ME2: variants seen among roughly 807,000 people sequenced by gnomAD.
ME2 encodes the protein NAD-dependent malic enzyme, mitochondrial.
In ME2, 60 loss-of-function variants were observed where a neutral mutation model predicts 73.7. The observed-to-expected ratio is 0.81, with a 90% CI of 0.66 to 1.01. The LOEUF (loss-of-function observed/expected upper bound fraction) is 1.01, where lower values mean the gene tolerates loss of function less well. Among genes scored for constraint, ME2 ranks in the 50% least tolerant of loss-of-function variants. ME2 has a pLI of 0.00. For missense variants in ME2, 594 were observed against 705.5 expected (o/e 0.84, Z 1.79); for synonymous variants, 199 against 236.9 (o/e 0.84, Z 1.47).
In ME2 at chr18:50,895,836, A is replaced by G. The variant is rs989697527; in HGVS notation, c.16A>G (p.Arg6Gly). 6.2e-7 allele frequency: 1 copy of G among 1,612,572 alleles called. No individual in the cohort carries two copies. The highest frequency in any genetic ancestry group is 1.7e-5 in the Admixed American group (1 of 60,008). Reference protein sequence around the residue: MLSRLRVVSTTCTLAC... With the variant: MLSRLGVVSTTCTLAC... ...GAAAGAAAAGATGTTGTCCCGGTTA[A>G]GAGTAGTTTCCACCACTTGTACTTT... is the stretch of plus-strand genomic sequence containing the variant. The change falls in exon 2 of 16, where the codon AGA becomes GGA. Residue 6 changes from arginine to glycine, a missense_variant. Arg to Gly is a moderately radical substitution (Grantham distance 125, BLOSUM62 -2). Coordinates refer to ENST00000321341, the MANE Select transcript of ME2 (RefSeq NM_002396.5).
rs528523723 is a variant in ME2 at position 50,941,069 on chromosome 18, C to T, written c.1587+683C>T. The stretch of plus-strand genomic sequence containing the variant: ...GGTCAGGAGTTCGAGACCAGCCCAG[C>T]CAACATGGTGAAACCCCGTCTCTAC... On this transcript the variant is annotated intron_variant, in intron 15 of 15. Transcript: ENST00000321341. Among the ~76,000 whole-genome samples the T allele has an allele frequency of 2.8e-3, 425 of 151,726 alleles. 3 individuals carry two copies. Among genetic ancestry groups the T allele is most frequent in the African/African-American group, 9.6e-3 (396 of 41,396 alleles).
chr18:50,900,682 G>A (rs1167584099), intron 2 of ME2, among the ~76,000 whole-genome samples: 2 of 152,100 alleles, frequency 1.3e-5, no homozygotes, highest in Non-Finnish European at 2.9e-5. Context: ...TAATTACCAC[G>A]TGTCAAAGGT....
intron 2 of ME2, among the ~76,000 whole-genome samples, chr18:50,903,489 C>T (rs1475434960): frequency 2.0e-5 from 3 of 151,908 alleles, no homozygotes; most frequent in Admixed American, 1.3e-4. Context: ...CTTACTTTGT[C>T]ACCCAGGCAG....
rs1452621615 is a variant in ME2 at position 50,950,337 on chromosome 18, T to C, written c.*3153T>C. ...GGGCAGAGCCCTGGCTGGTGTCTCT[T>C]CAGGAGGACCCCTGACACACCGATT... On this transcript the variant is annotated 3_prime_UTR_variant, in exon 16 of 16. Transcript: ENST00000321341. 6.6e-6 allele frequency: 1 copy of C among 152,132 alleles called. No homozygotes were observed. Among genetic ancestry groups the C allele is most frequent in the Non-Finnish European group, 1.5e-5 (1 of 68,032 alleles). 9.4% of individuals were successfully genotyped at this position (152,132 alleles called of 1,614,324 possible). A position where few individuals can be genotyped will look rare whatever the true frequency, so the allele number is the denominator to read the frequency against.
chr18:50,946,630 T>G (rs1336069179), intron 15 of ME2, among the ~76,000 whole-genome samples: 2 of 152,184 alleles, frequency 1.3e-5, no homozygotes, highest in African/African-American at 4.8e-5. Flanking sequence ...ACTATGCCTC[T>G]TAATCCAAAT....
chr18:50,921,075 C>T lies in ME2; in HGVS notation c.944C>T (p.Ala315Val). 6.6e-7 allele frequency: 1 copy of T among 1,517,810 alleles called. No individual in the cohort carries two copies. Among genetic ancestry groups the T allele is most frequent in the Non-Finnish European group, 9.0e-7 (1 of 1,116,190 alleles). 94.0% of individuals were successfully genotyped at this position (1,517,810 alleles called of 1,614,324 possible). A position where few individuals can be genotyped will look rare whatever the true frequency, so the allele number is the denominator to read the frequency against. Reference protein sequence around the residue: ...HKILFLGAGEAALGIANLIVM... With the variant: ...HKILFLGAGEVALGIANLIVM... ...TAAAATTTATGTTTTGTTGAACAGG[C>T]TGCTCTTGGAATTGCAAATCTTATA... Residue 315 changes from alanine to valine, a missense_variant and splice_region_variant, in exon 10 of 16, where the codon GCT (alanine) becomes GTT (valine). Ala to Val is a moderately conservative substitution (Grantham distance 64). Coordinates refer to ENST00000321341, the MANE Select transcript of ME2 (RefSeq NM_002396.5).
intron 15 of ME2, among the ~76,000 whole-genome samples, chr18:50,944,479 T>C (rs1381393693): frequency 6.6e-6 from 1 of 152,132 alleles, no homozygotes; most frequent in Non-Finnish European, 1.5e-5. Context: ...GATTCACCCC[T>C]TTGGCTCTAT....
chr18:50,945,383 G>GATCCCTA (rs1918060505), intron 15 of ME2: 1 of 152,148 alleles, frequency 6.6e-6, no homozygotes, highest in Non-Finnish European at 1.5e-5. Flanking sequence ...GCCTCCCAAA[G>GATCCCTA]TGCTGGGATC....
intron 3 of ME2, 84 bp downstream of exon 3, chr18:50,908,280 A>G: frequency 1.0e-6 from 1 of 967,670 alleles, no homozygotes; most frequent in Non-Finnish European, 1.5e-6. Flanking sequence ...GGCATGAGAA[A>G]TACACAATCT....
intron 12 of ME2, among the ~76,000 whole-genome samples, chr18:50,927,721 C>CATATATAT (rs368161371): frequency 0.071 from 6,014 of 84,966 alleles, 269 homozygotes; most frequent in Admixed American, 0.097. Context: ...CCCAAAAAAC[C>CATATATAT]ATATATATAT....
intron 7 of ME2, 138 bp from the exon 8 acceptor site, chr18:50,920,318 G>T (rs1917391470): frequency 8.5e-6 from 5 of 585,030 alleles, no homozygotes; most frequent in South Asian, 4.7e-5. Flanking sequence ...TCTTTCACAG[G>T]CTCTGAAATT....
chr18:50,947,416 C>T lies in ME2; in HGVS notation c.*232C>T, dbSNP rs16952715. On this transcript the variant is annotated 3_prime_UTR_variant, in exon 16 of 16. Transcript: ENST00000321341. ...GTTGTGATGCTTTAATTCTAACATA[C>T]AGCCCGTACCACATCCAGGAGATGT... 2.8e-3 allele frequency: 1,321 copies of T among 472,332 alleles called. 16 individuals are homozygous for T. Among genetic ancestry groups the T allele is most frequent in the African/African-American group, 0.024 (1,221 of 51,530 alleles). 29.3% of individuals were successfully genotyped at this position (472,332 alleles called of 1,614,324 possible).
At chr18:50,881,226 A>G (rs1003027562) in intron 1 of ME2, among the ~76,000 whole-genome samples, 1 of 152,042 alleles carries the variant, frequency 6.6e-6, no homozygotes, top group Non-Finnish European at 1.5e-5. Flanking sequence ...GAGTAGAGAC[A>G]GGGTTTCACC....
At position 50,950,497 on chromosome 18, in the gene ME2, AAC is replaced by A; in HGVS notation, c.*3315_*3316del. The A allele has an allele frequency of 9.8e-6, 1 of 101,526 alleles. No individual in the cohort carries two copies. The highest frequency in any genetic ancestry group is 3.1e-4 in the East Asian group (1 of 3,200). 6.3% of individuals were successfully genotyped at this position (101,526 alleles called of 1,614,324 possible). A position where few individuals can be genotyped will look rare whatever the true frequency, so the allele number is the denominator to read the frequency against. ...TTTTTTTTTTTTTTTTTTTTTTTTAAACAGGGTCTCTTTCTTTTTCCTTTCTC... is the reference window on the plus strand; with the variant it reads ...TTTTTTTTTTTTTTTTTTTTTTTTAAAGGGTCTCTTTCTTTTTCCTTTCTC... On this transcript the variant is annotated 3_prime_UTR_variant, in exon 16 of 16. Transcript: ENST00000321341.
Position 50,950,473 on chromosome 18 carries a change from T to TTTTCTTTTTTC in ME2, c.*3292_*3293insCTTTTTTCTTT, listed in dbSNP as rs1568179702. 24 of 131,044 alleles carry TTTTCTTTTTTC rather than the reference T, an allele frequency of 1.8e-4. 1 individual carries two copies. Among genetic ancestry groups the TTTTCTTTTTTC allele is most frequent in the Non-Finnish European group, 9.7e-5 (6 of 61,698 alleles). The allele number at this position is 131,044 out of a possible 1,614,324, so 8.1% of individuals were successfully genotyped here. ...GGTGGGGCCTCAGATTCTGCTTTTT[T>TTTTCTTTTTTC]TTTTTTTTTTTTTTTTTTTTTTAAA... On this transcript the variant is annotated 3_prime_UTR_variant, in exon 16 of 16. Transcript: ENST00000321341.
intron 15 of ME2, among the ~76,000 whole-genome samples, chr18:50,944,783 C>G (rs1437819330): frequency 6.6e-6 from 1 of 152,074 alleles, no homozygotes; most frequent in Non-Finnish European, 1.5e-5. Context: ...CATGCTCTGC[C>G]ACAAGTGAGA....
chr18:50,946,304 C>G (rs771802092), intron 15 of ME2, among the ~76,000 whole-genome samples: 10 of 152,056 alleles, frequency 6.6e-5, no homozygotes, highest in Non-Finnish European at 1.0e-4. Context: ...ACTCAAGCCA[C>G]CTTTGGTGGG....
chr18:50,934,621 C>T (rs1479605836), intron 13 of ME2: 1 of 152,078 alleles, frequency 6.6e-6, no homozygotes, highest in Non-Finnish European at 1.5e-5. Flanking sequence ...GCACTCCAGC[C>T]TGGGCAACAA....
In ME2 at chr18:50,950,939, TC is replaced by T. The variant is rs1918210908; in HGVS notation, c.*3756del. Reference sequence around the variant, plus strand: ...TATACTTCAAGTTACATGAAAAAGATCAACTGAAATTATGTTCTTACACAGA... The same window carrying T: ...TATACTTCAAGTTACATGAAAAAGATAACTGAAATTATGTTCTTACACAGA... On this transcript the variant is annotated 3_prime_UTR_variant, in exon 16 of 16. Coordinates refer to ENST00000321341, the MANE Select transcript of ME2 (RefSeq NM_002396.5). The T allele has an allele frequency of 6.6e-6, 1 of 152,232 alleles. No individual in the cohort carries two copies. Among genetic ancestry groups the T allele is most frequent in the African/African-American group, 2.4e-5 (1 of 41,460 alleles). 9.4% of individuals were successfully genotyped at this position (152,232 alleles called of 1,614,324 possible).
Sources: allele counts gnomAD v4.1 joint callset (sites outside exome capture counted in the v4.1 genomes callset), GRCh38; gene constraint gnomAD v4.1.1; transcripts MANE v1.5; gene names NCBI Gene and HGNC (gene_info 2026-07-23, HGNC 2026-07-21).